ANKRD26: variants seen among roughly 807,000 people sequenced by gnomAD.
ANKRD26 encodes ankyrin repeat domain 26.
A neutral mutation model predicts 208.7 loss-of-function variants in ANKRD26; 141 were observed. The observed-to-expected ratio is 0.68, with a 90% CI of 0.59 to 0.78. The LOEUF (loss-of-function observed/expected upper bound fraction) is 0.78, where lower values mean the gene tolerates loss of function less well. Ranked by LOEUF, ANKRD26 falls within the 30% of genes least tolerant of loss-of-function variation. The pLI is 0.00. For missense variants in ANKRD26, 1,889 were observed against 1,938.7 expected (o/e 0.97, Z 0.48); for synonymous variants, 636 against 660.4 (o/e 0.96, Z 0.57).
chr10:26,963,905 T>G, the ANKRD26 span, among the ~76,000 whole-genome samples: 1 of 130,616 alleles, frequency 7.7e-6, no homozygotes, highest in Non-Finnish European at 1.6e-5. Flanking sequence ...GTTGGTTGGT[T>G]TTTTTTTTTT....
Position 27,093,775 on chromosome 10 carries a change from G to A in ANKRD26, c.267C>T (p.Ala89=), listed in dbSNP as rs2135736845. ...MNRTALHLAC[A]NGHPEVVTLL... is the part of the protein sequence containing the mutation. ...GAGTTACTACTTCTGGATGACCATT[G>A]GCACAGGCCAAATGTAGAGCCGTCC... The change falls in exon 2 of 34, where the codon GCC becomes GCT. Residue 89 remains alanine, a synonymous_variant. Coordinates refer to ENST00000376087, the MANE Select transcript of ANKRD26 (RefSeq NM_014915.3). The A allele has an allele frequency of 6.2e-7, 1 of 1,614,172 alleles. No individual in the cohort carries two copies. The highest frequency in any genetic ancestry group is 8.5e-7 in the Non-Finnish European group (1 of 1,180,028).
intron 5 of ANKRD26, among the ~76,000 whole-genome samples, chr10:27,086,133 G>A (rs1308405381): frequency 6.6e-6 from 1 of 151,990 alleles, no homozygotes; most frequent in Non-Finnish European, 1.5e-5. Flanking sequence ...AGGGACAACT[G>A]TAATTAATAT....
the ANKRD26 span, among the ~76,000 whole-genome samples, chr10:26,952,107 A>G: frequency 6.6e-5 from 10 of 152,218 alleles, no homozygotes; most frequent in Admixed American, 6.5e-4. Context: ...TCCAGGAGCC[A>G]ATGAAATTAT....
At chr10:27,056,045 C>T (rs1349046247) in intron 15 of ANKRD26, among the ~76,000 whole-genome samples, 1 of 152,188 alleles carries the variant, frequency 6.6e-6, no homozygotes, top group African/African-American at 2.4e-5. Flanking sequence ...ACTGTCCCTC[C>T]TAATTCTCTT....
At chr10:26,960,216 T>C in the ANKRD26 span, among the ~76,000 whole-genome samples, 1 of 152,142 alleles carries the variant, frequency 6.6e-6, no homozygotes, top group Non-Finnish European at 1.5e-5. Flanking sequence ...CGTGATTGCC[T>C]GAAGCAAAAG....
chr10:27,080,927 A>G, intron 6 of ANKRD26: 2 of 985,378 alleles, frequency 2.0e-6, no homozygotes, highest in Non-Finnish European at 2.4e-6. Flanking sequence ...ACATCAGAGA[A>G]TTGGGAAAGG....
At chr10:27,092,880 C>T (rs910970876) in intron 3 of ANKRD26, among the ~76,000 whole-genome samples, 2 of 152,172 alleles carry the variant, frequency 1.3e-5, no homozygotes, top group East Asian at 1.9e-4. Context: ...GTCAGGAGTT[C>T]GAGGCCCGCC....
At chr10:27,033,108 T>A (rs1159296883) in intron 25 of ANKRD26, 117 bp downstream of exon 25, 1 of 680,452 alleles carries the variant, frequency 1.5e-6, no homozygotes, top group East Asian at 3.8e-5. Context: ...ATAATAAAAT[T>A]TAAATTAATT....
intron 17 of ANKRD26, 133 bp downstream of exon 17, chr10:27,048,668 C>T (rs2054543763): frequency 1.2e-6 from 1 of 826,002 alleles, no homozygotes. Context: ...TTGCATTTTT[C>T]TAATTGCAAG....
rs750850799 is a variant in ANKRD26, at chr10:27,005,713, T to C, written c.5010A>G (p.Glu1670=). Residue 1670 remains glutamate (E), a synonymous_variant, in exon 34 of 34, where the codon GAA becomes GAG. Transcript: ENST00000376087. ...GGGAAGCTATTGATCCAGATTCCAA[T>C]TCAGCAGCAGCTAGAATGAAAAAGA... ...ITRELKEAAA[E]LESGSIASPL... 1.5e-5 allele frequency: 24 copies of C among 1,609,106 alleles called. No individual in the cohort carries two copies. The highest frequency in any genetic ancestry group is 1.9e-5 in the Non-Finnish European group (22 of 1,177,824).
At chr10:26,993,125 G>T (rs1162821721) in intron 5 of ANKRD26, among the ~76,000 whole-genome samples, 1 of 152,120 alleles carries the variant, frequency 6.6e-6, no homozygotes, top group African/African-American at 2.4e-5. Flanking sequence ...TCATACCATT[G>T]GAATACAGAA....
Position 27,075,841 on chromosome 10 carries a change from TA to T in ANKRD26, c.1077+1496del, listed in dbSNP as rs544000257. Among the ~76,000 whole-genome samples, 211 of 152,328 alleles carry T rather than the reference TA, an allele frequency of 1.4e-3. 1 individual carries two copies. Among genetic ancestry groups the T allele is most frequent in the African/African-American group, 4.9e-3 (202 of 41,562 alleles). On this transcript the variant is annotated intron_variant, in intron 9 of 33. Coordinates refer to ENST00000376087, the MANE Select transcript of ANKRD26 (RefSeq NM_014915.3). ...ATGGAACATTCTCCAAGATAGACCA[TA>T]TGATAGGCCACAAAACAAGTCTTAA... is the stretch of plus-strand genomic sequence containing the variant.
chr10:27,043,180 A>G (rs577908933), intron 20 of ANKRD26, among the ~76,000 whole-genome samples: 1 of 152,086 alleles, frequency 6.6e-6, no homozygotes, highest in South Asian at 2.1e-4. Context: ...TTAAAATGAA[A>G]AAAAAAAAGA....
At chr10:26,962,748 T>C in the ANKRD26 span, among the ~76,000 whole-genome samples, 1 of 151,782 alleles carries the variant, frequency 6.6e-6, no homozygotes. Context: ...ATCCTGTCTC[T>C]AAAAAAACAA....
intron 20 of ANKRD26, 110 bp from the exon 21 acceptor site, chr10:27,040,288 C>T: frequency 3.8e-6 from 3 of 789,844 alleles, no homozygotes; most frequent in Non-Finnish European, 6.3e-6. Context: ...TATTGAGGGC[C>T]TACAATGTGG....
In ANKRD26 at chr10:27,037,894, T is replaced by C. The variant is rs1333964094; in HGVS notation, c.2536A>G (p.Thr846Ala). The C allele has an allele frequency of 1.9e-6, 3 of 1,611,380 alleles. No homozygotes were observed. Among genetic ancestry groups the C allele is most frequent in the Admixed American group, 1.7e-5 (1 of 59,950 alleles). ...ACCTGATTCAAATTACTTTTTACAG[T>C]CCTCAATTCCATCTCCAGTGTTTGG... Reference protein sequence around the residue: ...SLQTLEMELRTVKSNLNQVVQ... With the variant: ...SLQTLEMELRAVKSNLNQVVQ... Residue 846 changes from threonine (T) to alanine (A), a missense_variant, in exon 22 of 34, where the codon ACT (threonine) becomes GCT (alanine). Transcript: ENST00000376087.
intron 4 of ANKRD26, among the ~76,000 whole-genome samples, chr10:27,087,519 A>G (rs1008177787): frequency 1.3e-5 from 2 of 152,186 alleles, no homozygotes; most frequent in African/African-American, 4.8e-5. Context: ...TAGTTATTCT[A>G]TTCTTTGTGG....
chr10:27,051,763 A>C, intron 16 of ANKRD26: 1 of 985,374 alleles, frequency 1.0e-6, no homozygotes, highest in South Asian at 4.7e-5. Context: ...TTTTCATCGC[A>C]ATCAAGTATA....
chr10:26,959,560 T>C, the ANKRD26 span, among the ~76,000 whole-genome samples: 50,338 of 151,690 alleles, frequency 0.33, 10,609 homozygotes, highest in Non-Finnish European at 0.47. Context: ...GCTATAACTA[T>C]GAAGAGAGAA....
Sources: gnomAD v4.1 joint callset for allele counts (sites outside exome capture counted in the v4.1 genomes callset) on GRCh38, gnomAD v4.1.1 for gene constraint, MANE v1.5 for transcripts, NCBI Gene and HGNC (gene_info 2026-07-23, HGNC 2026-07-21) for gene names.